The following PARD3B variants were observed in gnomAD, a reference collection of about 807,000 sequenced individuals.
PARD3B encodes par-3 family cell polarity regulator beta.
PARD3B carries 103 observed loss-of-function variants against 130.2 expected under a neutral mutation model. The observed-to-expected ratio is 0.79, with a 90% CI of 0.67 to 0.93. PARD3B has a LOEUF of 0.93. PARD3B is among the 40% of genes least tolerant of loss of function. The probability of loss-of-function intolerance (pLI) is 0.00; values close to 1 mark genes in which losing one functional copy is unlikely to be tolerated. For missense variants in PARD3B, 1,609 were observed against 1,499.2 expected (o/e 1.07, Z -1.21); for synonymous variants, 583 against 553.2 (o/e 1.05, Z -0.76).
intron 4 of PARD3B, among the ~76,000 whole-genome samples, chr2:205,052,353 C>T (rs1699247340): frequency 6.7e-6 from 1 of 148,242 alleles, no homozygotes; most frequent in South Asian, 2.1e-4. Flanking sequence ...AAAACCATTA[C>T]TTGTCTTACA....
chr2:205,055,781 T>C (rs1699590266), intron 4 of PARD3B, among the ~76,000 whole-genome samples: 1 of 152,178 alleles, frequency 6.6e-6, no homozygotes, highest in Non-Finnish European at 1.5e-5. Context: ...TAACCAGTCA[T>C]GCAGTGAGGT....
intron 1 of PARD3B, among the ~76,000 whole-genome samples, chr2:204,639,019 T>C (rs2034985369): frequency 6.6e-6 from 1 of 152,140 alleles, no homozygotes; most frequent in East Asian, 1.9e-4. Context: ...TGTAAATCTC[T>C]GTAGATCCCA....
chr2:205,517,528 C>A (rs969621301), intron 21 of PARD3B, among the ~76,000 whole-genome samples: 6 of 152,054 alleles, frequency 3.9e-5, no homozygotes, highest in Non-Finnish European at 5.9e-5. Context: ...TTCAAAAAAA[C>A]AACTTCTGGA....
chr2:204,645,468 A>G (rs886388880), intron 1 of PARD3B, among the ~76,000 whole-genome samples: 2 of 152,130 alleles, frequency 1.3e-5, no homozygotes, highest in Non-Finnish European at 2.9e-5. Flanking sequence ...ATTTTGTTTC[A>G]TGGGTTTCTT....
chr2:204,995,039 G>A (rs1020036347), intron 3 of PARD3B, among the ~76,000 whole-genome samples: 3 of 151,186 alleles, frequency 2.0e-5, no homozygotes, highest in Admixed American at 6.6e-5. Flanking sequence ...TATCCAACTT[G>A]CCAGTCTGTG....
intron 21 of PARD3B, among the ~76,000 whole-genome samples, chr2:205,541,646 C>T (rs989009683): frequency 6.6e-6 from 1 of 151,442 alleles, no homozygotes; most frequent in African/African-American, 2.4e-5. Flanking sequence ...CCGTGCCCGG[C>T]CTATTTTTTT....
intron 1 of PARD3B, among the ~76,000 whole-genome samples, chr2:204,580,273 C>T (rs868859025): frequency 7.2e-5 from 11 of 152,242 alleles, no homozygotes; most frequent in South Asian, 2.1e-4. Flanking sequence ...CATCCTCCGT[C>T]CTGGACTGAT....
chr2:205,489,630 A>G (rs1457354895), intron 20 of PARD3B, among the ~76,000 whole-genome samples: 1 of 150,698 alleles, frequency 6.6e-6, no homozygotes, highest in Non-Finnish European at 1.5e-5. Flanking sequence ...TATTCAAAAT[A>G]TAAATAACTC....
chr2:205,225,457 T>A (rs894437533), intron 15 of PARD3B, among the ~76,000 whole-genome samples: 8 of 152,208 alleles, frequency 5.3e-5, no homozygotes, highest in Non-Finnish European at 1.0e-4. Context: ...GATTTTTAGA[T>A]TTTTTTCCTC....
At chr2:205,401,753 C>A (rs766752188) in intron 19 of PARD3B, among the ~76,000 whole-genome samples, 1 of 152,104 alleles carries the variant, frequency 6.6e-6, no homozygotes, top group Admixed American at 6.6e-5. Flanking sequence ...TGGCACTTAT[C>A]GCAAGTGGAT....
rs1321104096 is a variant in PARD3B at position 205,230,634 on chromosome 2, A to C, written c.2141-15144A>C. Among the ~76,000 whole-genome samples the C allele has an allele frequency of 1.3e-5, 2 of 152,094 alleles. No individual in the cohort carries two copies. The highest frequency in any genetic ancestry group is 2.9e-5 in the Non-Finnish European group (2 of 68,018). The stretch of plus-strand genomic sequence containing the variant: ...GGTGCAAGCACTGCATTAGCCGCCC[A>C]ACGGCTGTCTCACTAGGTTATTACC... On this transcript the variant is annotated intron_variant, in intron 15 of 22. Coordinates refer to ENST00000406610, the MANE Select transcript of PARD3B (RefSeq NM_001302769.2). This position sits in a 1 kb window ranked among gnomAD's most constrained non-coding sequence, Gnocchi z 4.1.
At chr2:204,874,946 C>A (rs1019725394) in intron 2 of PARD3B, among the ~76,000 whole-genome samples, 1 of 152,178 alleles carries the variant, frequency 6.6e-6, no homozygotes, top group Non-Finnish European at 1.5e-5. Context: ...TATTCCACTG[C>A]ATGAATATAT....
chr2:205,215,276 T>A (rs951554917), intron 15 of PARD3B, among the ~76,000 whole-genome samples: 1 of 151,862 alleles, frequency 6.6e-6, no homozygotes, highest in Admixed American at 6.6e-5. Context: ...GATTACATTG[T>A]TCTTTTTTTT....
At chr2:205,490,592 A>G (rs1221790353) in intron 20 of PARD3B, among the ~76,000 whole-genome samples, 1 of 152,176 alleles carries the variant, frequency 6.6e-6, no homozygotes, top group African/African-American at 2.4e-5. Context: ...GTGTCTTTAT[A>G]GCAGCATGAT....
intron 2 of PARD3B, among the ~76,000 whole-genome samples, chr2:204,938,169 AG>A (rs1688612295): frequency 1.3e-5 from 2 of 152,196 alleles, no homozygotes; most frequent in African/African-American, 4.8e-5. Context: ...GAAATATTAA[AG>A]GGGGAAAAAA....
chr2:205,471,606 A>G (rs111522739), intron 20 of PARD3B, among the ~76,000 whole-genome samples: 5,676 of 151,550 alleles, frequency 0.037, 324 homozygotes, highest in African/African-American at 0.12. Context: ...CAGGTGATCC[A>G]CCTGCCTTGG....
intron 11 of PARD3B, among the ~76,000 whole-genome samples, chr2:205,164,600 A>G (rs1489248142): frequency 6.6e-6 from 1 of 152,120 alleles, no homozygotes; most frequent in Non-Finnish European, 1.5e-5. Context: ...TACTGAATAA[A>G]ATTTTGGAAT....
intron 18 of PARD3B, among the ~76,000 whole-genome samples, chr2:205,335,519 G>T (rs1000443140): frequency 6.6e-6 from 1 of 152,172 alleles, no homozygotes; most frequent in African/African-American, 2.4e-5. Flanking sequence ...GCACCAAGAG[G>T]CAAGAGATAT....
In PARD3B at chr2:204,545,913, G is replaced by A; in HGVS notation, c.-87G>A. ...GCGCCCCGGGTCTCTGGGCCCACCCGCCCCGGGCGTCCTCCGAGAGTGGGG... is the reference window on the plus strand; with the variant it reads ...GCGCCCCGGGTCTCTGGGCCCACCCACCCCGGGCGTCCTCCGAGAGTGGGG... On this transcript the variant is annotated 5_prime_UTR_variant, in exon 1 of 23. Coordinates refer to ENST00000406610, the MANE Select transcript of PARD3B (RefSeq NM_001302769.2). 3 of 1,384,782 alleles carry A rather than the reference G, an allele frequency of 2.2e-6. No homozygotes were observed. Among genetic ancestry groups the A allele is most frequent in the Non-Finnish European group, 1.9e-6 (2 of 1,063,144 alleles). 85.8% of individuals were successfully genotyped at this position (1,384,782 alleles called of 1,614,324 possible). A position where few individuals can be genotyped will look rare whatever the true frequency, so the allele number is the denominator to read the frequency against.
Sources: allele counts gnomAD v4.1 joint callset (sites outside exome capture counted in the v4.1 genomes callset), GRCh38; gene constraint gnomAD v4.1.1; non-coding constraint Gnocchi (gnomAD v3.1); transcripts MANE v1.5; gene names NCBI Gene and HGNC (gene_info 2026-07-23, HGNC 2026-07-21).